Variants in MAF observed in about 807,000 individuals in gnomAD.
MAF encodes transcription factor Maf.
Under a neutral mutation model 22.0 loss-of-function variants are expected in MAF, and 10 were observed. That is an observed-to-expected ratio of 0.45 (90% CI 0.28 to 0.77). The LOEUF (loss-of-function observed/expected upper bound fraction) is 0.77. MAF is among the 30% of genes least tolerant of loss of function. MAF has a pLI of 0.12. For missense variants in MAF, 544 were observed against 548.4 expected, an observed-to-expected ratio of 0.99 and a Z score of 0.08; for synonymous variants, 337 against 255.8, an observed-to-expected ratio of 1.32 and a Z score of -3.03.
rs1263244806 is a variant in MAF at position 79,588,029 on chromosome 16, G to A, written c.1119-2088C>T. On this transcript the variant is annotated intron_variant, in intron 1 of 1. Coordinates refer to the MAF transcript ENST00000569649. ...GTAAGAGAGATTTTCGAGCTGGGCC[G>A]CAGTGAAGTAATCTAAGCCACATGT... is the stretch of plus-strand genomic sequence containing the variant. Among the ~76,000 whole-genome samples the A allele has an allele frequency of 2.0e-5, 3 of 152,274 alleles. No individual in the cohort carries two copies. In the East Asian group the frequency reaches 5.8e-4, roughly 29 times the overall value.
At chr16:79,595,268 G>C (rs1913448432) in intron 1 of MAF, 1 of 1,048,178 alleles carries the variant, frequency 9.5e-7, no homozygotes, top group Non-Finnish European at 1.2e-6. Context: ...ATAAAGGAAG[G>C]TCAAAATGTC....
chr16:79,472,491 G>C, the MAF span, among the ~76,000 whole-genome samples: 4 of 152,084 alleles, frequency 2.6e-5, no homozygotes, highest in African/African-American at 9.7e-5. Context: ...ACCTCGAAAA[G>C]ATATACTAAG....
At chr16:79,445,573 G>A in the MAF span, among the ~76,000 whole-genome samples, 1 of 152,192 alleles carries the variant, frequency 6.6e-6, no homozygotes, top group Non-Finnish European at 1.5e-5. Flanking sequence ...GGTGCCCCTT[G>A]TCCACTGCAC....
chr16:79,427,122 G>C, the MAF span, among the ~76,000 whole-genome samples: 2 of 152,210 alleles, frequency 1.3e-5, no homozygotes, highest in Admixed American at 6.5e-5. Context: ...ATAATGAGTA[G>C]GAAACTCTTA....
chr16:79,221,965 C>G, the MAF span, among the ~76,000 whole-genome samples: 1 of 151,988 alleles, frequency 6.6e-6, no homozygotes, highest in Non-Finnish European at 1.5e-5. Flanking sequence ...GGGACACAGA[C>G]AGAGAAACGT....
At chr16:79,323,483 G>T in the MAF span, among the ~76,000 whole-genome samples, 1 of 152,158 alleles carries the variant, frequency 6.6e-6, no homozygotes, top group Non-Finnish European at 1.5e-5. Flanking sequence ...AAGATTAAAA[G>T]AAGGGAAAGG....
chr16:79,276,679 A>AAAGGATGGTCATGGTGGTGATGGT, the MAF span, among the ~76,000 whole-genome samples: 1 of 152,156 alleles, frequency 6.6e-6, no homozygotes, highest in Non-Finnish European at 1.5e-5. Flanking sequence ...GTGCTCTGAG[A>AAAGGATGGTCATGGTGGTGATGGT]AAGGATGGTC....
At chr16:79,595,074 C>T in intron 1 of MAF, 1 of 1,045,780 alleles carries the variant, frequency 9.6e-7, no homozygotes, top group South Asian at 4.5e-5. Flanking sequence ...TAAAAGCATT[C>T]TCTCCATTTC....
the MAF span, among the ~76,000 whole-genome samples, chr16:79,404,790 G>A: frequency 0.016 from 2,490 of 152,228 alleles, 35 homozygotes; most frequent in Middle Eastern, 0.037. Context: ...TCAGCTTCCT[G>A]GTTTTCAGCG....
the MAF span, among the ~76,000 whole-genome samples, chr16:79,457,882 A>C: frequency 6.6e-6 from 1 of 152,156 alleles, no homozygotes; most frequent in Non-Finnish European, 1.5e-5. Flanking sequence ...CAGTATGAGA[A>C]AGAAAATGAC....
At chr16:79,415,658 C>G in the MAF span, among the ~76,000 whole-genome samples, 2 of 151,912 alleles carry the variant, frequency 1.3e-5, no homozygotes, top group Admixed American at 6.5e-5. Context: ...ACTGACAGCT[C>G]TGCTCTCTCT....
At chr16:79,535,005 C>T in the MAF span, among the ~76,000 whole-genome samples, 1 of 152,182 alleles carries the variant, frequency 6.6e-6, no homozygotes, top group African/African-American at 2.4e-5. Flanking sequence ...ATTAGGTAAA[C>T]TGCTCTTACA....
At chr16:79,321,274 C>A in the MAF span, among the ~76,000 whole-genome samples, 1 of 152,096 alleles carries the variant, frequency 6.6e-6, no homozygotes, top group Non-Finnish European at 1.5e-5. Context: ...GAATGGAATC[C>A]ATCACACCAC....
At chr16:79,550,115 G>A in the MAF span, among the ~76,000 whole-genome samples, 1 of 152,096 alleles carries the variant, frequency 6.6e-6, no homozygotes. Flanking sequence ...AAAACTCTGA[G>A]CCCTTTTGTT....
the MAF span, among the ~76,000 whole-genome samples, chr16:79,437,106 A>C: frequency 2.0e-5 from 3 of 151,894 alleles, no homozygotes; most frequent in East Asian, 1.9e-4. Flanking sequence ...CTCTCAAGGC[A>C]TGTGTTAAAG....
the MAF span, among the ~76,000 whole-genome samples, chr16:79,363,124 T>C: frequency 6.6e-6 from 1 of 151,968 alleles, no homozygotes; most frequent in African/African-American, 2.4e-5. Context: ...TATCTGAATA[T>C]CTATTAATTT....
At chr16:79,584,046 C>A (rs1235159193), downstream of MAF, among the ~76,000 whole-genome samples, 4 of 151,890 alleles carry the variant, frequency 2.6e-5, no homozygotes, top group South Asian at 2.1e-4. Context: ...TTTGAGATAC[C>A]ACTTGGGATG....
the MAF span, among the ~76,000 whole-genome samples, chr16:79,278,146 T>A: frequency 6.6e-6 from 1 of 152,166 alleles, no homozygotes; most frequent in Admixed American, 6.6e-5. Context: ...CTAGATTGAG[T>A]CGTCCAGGTA....
the MAF span, among the ~76,000 whole-genome samples, chr16:79,261,703 T>A: frequency 1.3e-5 from 2 of 152,154 alleles, no homozygotes; most frequent in African/African-American, 4.8e-5. Flanking sequence ...TGGCCAGCCT[T>A]TGCCGCTTGC....
Sources: gnomAD v4.1 joint callset for allele counts (sites outside exome capture counted in the v4.1 genomes callset) on GRCh38, gnomAD v4.1.1 for gene constraint, MANE v1.5 for transcripts, NCBI Gene and HGNC (gene_info 2026-07-23, HGNC 2026-07-21) for gene names.